SLC24A3: variants seen among roughly 807,000 people sequenced by gnomAD.
SLC24A3 encodes the protein sodium/potassium/calcium exchanger 3.
A neutral mutation model predicts 75.8 loss-of-function variants in SLC24A3; 28 were observed. The ratio of observed to expected loss-of-function variants is 0.37; its 90% CI spans 0.27 to 0.51. SLC24A3 has a LOEUF of 0.51. Ranked by LOEUF, SLC24A3 falls within the 20% of genes least tolerant of loss-of-function variation. The probability of loss-of-function intolerance (pLI) is 0.94; values close to 1 mark genes in which losing one functional copy is unlikely to be tolerated. For synonymous variants in SLC24A3, 372 were observed against 334.1 expected, an observed-to-expected ratio of 1.11 and a Z score of -1.24; for missense variants, 663 against 847.8, an observed-to-expected ratio of 0.78 and a Z score of 2.71.
At chr20:19,354,392 G>A (rs1039996045) in intron 2 of SLC24A3, among the ~76,000 whole-genome samples, 2 of 152,094 alleles carry the variant, frequency 1.3e-5, no homozygotes, top group Non-Finnish European at 2.9e-5. Flanking sequence ...ATGTTATGGG[G>A]GTCAGGTGCA....
chr20:19,629,130 A>AACACAC (rs147145773), intron 6 of SLC24A3, among the ~76,000 whole-genome samples: 2 of 150,964 alleles, frequency 1.3e-5, no homozygotes, highest in Non-Finnish European at 3.0e-5. Flanking sequence ...TGAGCTATAA[A>AACACAC]ACACACACAC....
chr20:19,394,770 G>C (rs1218497842), intron 2 of SLC24A3, among the ~76,000 whole-genome samples: 3 of 152,202 alleles, frequency 2.0e-5, no homozygotes, highest in Non-Finnish European at 4.4e-5. Context: ...CTCTTGGAGG[G>C]AATGTAAAAT....
intron 1 of SLC24A3, among the ~76,000 whole-genome samples, chr20:19,253,784 G>A (rs1324827583): frequency 1.3e-5 from 2 of 152,222 alleles, no homozygotes; most frequent in Non-Finnish European, 2.9e-5. Context: ...TGGAGGAGAT[G>A]GAGAAAGGAG....
intron 6 of SLC24A3, among the ~76,000 whole-genome samples, chr20:19,598,477 T>C (rs1009406561): frequency 3.9e-5 from 6 of 152,096 alleles, no homozygotes; most frequent in Non-Finnish European, 7.4e-5. Flanking sequence ...ACATATCTTG[T>C]GTGTGGAAGG....
At chr20:19,546,345 G>T (rs889386164) in intron 3 of SLC24A3, among the ~76,000 whole-genome samples, 1 of 152,076 alleles carries the variant, frequency 6.6e-6, no homozygotes, top group Non-Finnish European at 1.5e-5. Flanking sequence ...ACAAGGCTTT[G>T]CAGTGACTGC....
intron 2 of SLC24A3, among the ~76,000 whole-genome samples, chr20:19,325,684 T>G (rs1984822174): frequency 6.7e-6 from 1 of 150,042 alleles, no homozygotes; most frequent in Non-Finnish European, 1.5e-5. Context: ...ATTTTTTTGT[T>G]TTTTTGTTTT....
intron 2 of SLC24A3, among the ~76,000 whole-genome samples, chr20:19,341,314 A>G (rs986146322): frequency 6.6e-6 from 1 of 152,172 alleles, no homozygotes; most frequent in African/African-American, 2.4e-5. Flanking sequence ...GATTCCTGGG[A>G]CCTGCCCAGA....
At chr20:19,506,622 A>C (rs995836565) in intron 2 of SLC24A3, among the ~76,000 whole-genome samples, 1 of 152,184 alleles carries the variant, frequency 6.6e-6, no homozygotes, top group African/African-American at 2.4e-5. Context: ...TATCATATAG[A>C]AGCAATGAAA....
chr20:19,405,863 G>C (rs1269694834), intron 2 of SLC24A3, among the ~76,000 whole-genome samples: 1 of 152,170 alleles, frequency 6.6e-6, no homozygotes, highest in Non-Finnish European at 1.5e-5. Flanking sequence ...AAGGAACTTT[G>C]GGTAAAATAA....
At chr20:19,410,915 G>A (rs1222872906) in intron 2 of SLC24A3, among the ~76,000 whole-genome samples, 2 of 152,218 alleles carry the variant, frequency 1.3e-5, no homozygotes, top group South Asian at 2.1e-4. Flanking sequence ...ACATTCAGTT[G>A]TGACAGGGAG....
intron 2 of SLC24A3, among the ~76,000 whole-genome samples, chr20:19,504,469 A>C (rs1988432692): frequency 6.6e-6 from 1 of 152,220 alleles, no homozygotes; most frequent in African/African-American, 2.4e-5. Flanking sequence ...ACATTCCAAA[A>C]GCACTATTTC....
chr20:19,497,086 G>A (rs1332961564), intron 2 of SLC24A3, among the ~76,000 whole-genome samples: 1 of 152,142 alleles, frequency 6.6e-6, no homozygotes, highest in Non-Finnish European at 1.5e-5. Flanking sequence ...GCCGTAAAAT[G>A]TGCACATGAT....
At chr20:19,552,168 G>T (rs545419059) in intron 3 of SLC24A3, among the ~76,000 whole-genome samples, 1 of 152,162 alleles carries the variant, frequency 6.6e-6, no homozygotes, top group South Asian at 2.1e-4. Flanking sequence ...TGTGAAAATT[G>T]CATGGGGCCC....
chr20:19,698,067 C>T (rs902304880), intron 14 of SLC24A3, among the ~76,000 whole-genome samples: 11 of 152,046 alleles, frequency 7.2e-5, no homozygotes, highest in South Asian at 4.2e-4. Context: ...GGAAGGTGAA[C>T]GGGGAGCAGG....
chr20:19,433,996 T>C (rs1187100103), intron 2 of SLC24A3, among the ~76,000 whole-genome samples: 1 of 152,136 alleles, frequency 6.6e-6, no homozygotes, highest in Non-Finnish European at 1.5e-5. Flanking sequence ...AGCACAGTCT[T>C]GGGTATGTTG....
At chr20:19,262,506 C>T (rs1027269095) in intron 1 of SLC24A3, among the ~76,000 whole-genome samples, 1 of 152,104 alleles carries the variant, frequency 6.6e-6, no homozygotes, top group Non-Finnish European at 1.5e-5. Flanking sequence ...CAAACCTCCC[C>T]TACCATCTCA....
At chr20:19,250,222 C>T (rs1270445099) in intron 1 of SLC24A3, among the ~76,000 whole-genome samples, 3 of 152,188 alleles carry the variant, frequency 2.0e-5, no homozygotes, top group African/African-American at 7.2e-5. Flanking sequence ...ACATATTTTC[C>T]AAACCACTGC....
At chr20:19,518,728 C>T (rs2030044056) in intron 3 of SLC24A3, among the ~76,000 whole-genome samples, 1 of 152,194 alleles carries the variant, frequency 6.6e-6, no homozygotes, top group South Asian at 2.1e-4. Flanking sequence ...CTGACCTCAC[C>T]GTCCCTCCTT....
chr20:19,678,506 CG>C (rs199838689), intron 9 of SLC24A3, among the ~76,000 whole-genome samples: 1 of 129,134 alleles, frequency 7.7e-6, no homozygotes, highest in African/African-American at 3.1e-5. Flanking sequence ...GCTGGCCGGG[CG>C]GGGGGCTGAC....
Sources: gnomAD v4.1 joint callset for allele counts (sites outside exome capture counted in the v4.1 genomes callset) on GRCh38, gnomAD v4.1.1 for gene constraint, MANE v1.5 for transcripts, NCBI Gene and HGNC (gene_info 2026-07-23, HGNC 2026-07-21) for gene names.